The following AGMO variants were observed in gnomAD, a reference collection of about 807,000 sequenced individuals.
The protein encoded by AGMO is alkylglycerol monooxygenase.
In AGMO, 75 loss-of-function variants were observed where a neutral mutation model predicts 60.2. The observed-to-expected ratio is 1.25, with a 90% CI of 1.03 to 1.51. AGMO has a LOEUF of 1.51. AGMO is among the 40% of genes most tolerant of loss of function. The pLI is 0.00. For missense variants in AGMO, 763 were observed against 525.5 expected (o/e 1.45, Z -4.42); for synonymous variants, 261 against 177.1 (o/e 1.47, Z -3.76).
At chr7:15,528,594 A>G (rs1038028385) in intron 3 of AGMO, among the ~76,000 whole-genome samples, 59 of 152,128 alleles carry the variant, frequency 3.9e-4, no homozygotes, top group Admixed American at 3.7e-3. Context: ...ACAGAGGGAA[A>G]CATTAAGCAG....
chr7:15,349,334 G>A (rs1782149034), intron 12 of AGMO, among the ~76,000 whole-genome samples: 1 of 152,118 alleles, frequency 6.6e-6, no homozygotes, highest in African/African-American at 2.4e-5. Context: ...CACTGTGAGT[G>A]CCATCCTTGC....
intron 10 of AGMO, among the ~76,000 whole-genome samples, chr7:15,380,975 G>C (rs752670667): frequency 3.3e-5 from 5 of 152,102 alleles, no homozygotes; most frequent in Non-Finnish European, 7.4e-5. Flanking sequence ...TAACTGCCTA[G>C]CCATATGCAG....
intron 10 of AGMO, among the ~76,000 whole-genome samples, chr7:15,379,942 C>T (rs1043417309): frequency 6.6e-6 from 1 of 151,746 alleles, no homozygotes; most frequent in African/African-American, 2.4e-5. Context: ...CAGAAAAAGA[C>T]TTTCTTTAAT....
chr7:15,120,517 T>A, the AGMO span, among the ~76,000 whole-genome samples: 4 of 152,140 alleles, frequency 2.6e-5, no homozygotes, highest in Non-Finnish European at 5.9e-5. Context: ...GACTCCATGA[T>A]AGGATTAGTG....
intron 12 of AGMO, among the ~76,000 whole-genome samples, chr7:15,352,814 T>C (rs1037956919): frequency 3.9e-5 from 6 of 152,030 alleles, no homozygotes; most frequent in South Asian, 2.1e-4. Flanking sequence ...GATCTTCACC[T>C]GTTTTCGCTA....
At chr7:15,451,367 G>T (rs1418282006) in intron 3 of AGMO, among the ~76,000 whole-genome samples, 1 of 152,174 alleles carries the variant, frequency 6.6e-6, no homozygotes. Context: ...ACATACAGTA[G>T]TTAATAGAGA....
intron 12 of AGMO, among the ~76,000 whole-genome samples, chr7:15,360,302 A>G (rs1455789684): frequency 6.6e-6 from 1 of 152,202 alleles, no homozygotes; most frequent in African/African-American, 2.4e-5. Flanking sequence ...TCGACCCTTG[A>G]ACAACTCGGA....
At chr7:15,315,744 T>C (rs1474539165) in intron 12 of AGMO, among the ~76,000 whole-genome samples, 1 of 152,140 alleles carries the variant, frequency 6.6e-6, no homozygotes, top group Non-Finnish European at 1.5e-5. Context: ...GTTGCATAAC[T>C]ATACCTGTTA....
chr7:15,319,833 A>G (rs1238564999), intron 12 of AGMO, among the ~76,000 whole-genome samples: 1 of 152,134 alleles, frequency 6.6e-6, no homozygotes, highest in Non-Finnish European at 1.5e-5. Context: ...GATATATGCC[A>G]AGCTTTAATT....
intron 3 of AGMO, among the ~76,000 whole-genome samples, chr7:15,534,887 A>G (rs982701799): frequency 6.6e-6 from 1 of 151,868 alleles, no homozygotes; most frequent in Non-Finnish European, 1.5e-5. Flanking sequence ...GAGAAAACAT[A>G]GTAATATTTA....
chr7:15,273,020 G>C (rs1465510041), intron 12 of AGMO, among the ~76,000 whole-genome samples: 2 of 152,076 alleles, frequency 1.3e-5, no homozygotes, highest in South Asian at 2.1e-4. Flanking sequence ...GTAGATTCTG[G>C]ATATTAGCCC....
intron 12 of AGMO, among the ~76,000 whole-genome samples, chr7:15,269,608 TTTTAA>T (rs539218838): frequency 8.5e-5 from 13 of 152,114 alleles, no homozygotes; most frequent in Non-Finnish European, 1.9e-4. Context: ...GGAAGATTAT[TTTTAA>T]TTTAATTTTA....
the AGMO span, among the ~76,000 whole-genome samples, chr7:15,138,414 G>C: frequency 1.3e-5 from 2 of 152,156 alleles, no homozygotes; most frequent in African/African-American, 4.8e-5. Context: ...CACTTGGACA[G>C]GCTAAATCAT....
intron 3 of AGMO, among the ~76,000 whole-genome samples, chr7:15,472,306 C>G (rs569106907): frequency 8.6e-5 from 13 of 151,802 alleles, no homozygotes; most frequent in Non-Finnish European, 1.5e-4. Flanking sequence ...GAATAATTGA[C>G]AAAAATATGT....
chr7:15,315,700 C>A (rs1018919063), intron 12 of AGMO, among the ~76,000 whole-genome samples: 3 of 152,028 alleles, frequency 2.0e-5, no homozygotes, highest in African/African-American at 7.2e-5. Flanking sequence ...TAATAGACAT[C>A]TACATACATG....
chr7:15,297,512 TTCAAC>T (rs1470656206), intron 12 of AGMO, among the ~76,000 whole-genome samples: 1 of 152,162 alleles, frequency 6.6e-6, no homozygotes, highest in Admixed American at 6.5e-5. Context: ...AAAGAAAAAG[TTCAAC>T]TCTTTTTTGA....
At chr7:15,377,270 T>C (rs1783493060) in intron 10 of AGMO, among the ~76,000 whole-genome samples, 1 of 152,096 alleles carries the variant, frequency 6.6e-6, no homozygotes. Flanking sequence ...AATACAACTT[T>C]CAAAATTAAT....
At chr7:15,512,630 T>C (rs919331968) in intron 3 of AGMO, among the ~76,000 whole-genome samples, 2 of 152,220 alleles carry the variant, frequency 1.3e-5, no homozygotes, top group East Asian at 3.8e-4. Flanking sequence ...AATTGACTAT[T>C]TGGAGTGTCT....
intron 12 of AGMO, among the ~76,000 whole-genome samples, chr7:15,318,475 T>C (rs964509633): frequency 6.6e-6 from 1 of 152,172 alleles, no homozygotes; most frequent in African/African-American, 2.4e-5. Context: ...AATGTCTTAC[T>C]GATCTTGAAA....
Sources: allele counts gnomAD v4.1 joint callset (sites outside exome capture counted in the v4.1 genomes callset), GRCh38; gene constraint gnomAD v4.1.1; transcripts MANE v1.5; gene names NCBI Gene and HGNC (gene_info 2026-07-23, HGNC 2026-07-21).